ATP2B2: variants seen among roughly 807,000 people sequenced by gnomAD.
ATP2B2 encodes the protein plasma membrane calcium-transporting ATPase 2.
Under a neutral mutation model 120.0 loss-of-function variants are expected in ATP2B2, and 15 were observed. That is an observed-to-expected ratio of 0.12 (90% confidence interval 0.08 to 0.19). The LOEUF (loss-of-function observed/expected upper bound fraction) is 0.19. Among genes scored for constraint, ATP2B2 ranks in the 10% least tolerant of loss-of-function variants. The pLI is 1.00. For synonymous variants in ATP2B2, 694 were observed against 700.3 expected (o/e 0.99, Z 0.14); for missense variants, 1,045 against 1,719.8 (o/e 0.61, Z 6.94).
intron 1 of ATP2B2, among the ~76,000 whole-genome samples, chr3:10,463,353 G>A (rs1225330521): frequency 6.6e-6 from 1 of 152,160 alleles, no homozygotes; most frequent in Admixed American, 6.5e-5. Flanking sequence ...AATGACATGG[G>A]AAGCGAGGAA....
intron 1 of ATP2B2, among the ~76,000 whole-genome samples, chr3:10,673,112 T>C (rs1464022660): frequency 6.6e-6 from 1 of 152,184 alleles, no homozygotes; most frequent in Non-Finnish European, 1.5e-5. Context: ...AGGCTTAAGA[T>C]GTGAGTGCTG....
intron 3 of ATP2B2, among the ~76,000 whole-genome samples, chr3:10,515,132 G>A (rs1053763613): frequency 6.6e-6 from 1 of 152,230 alleles, no homozygotes; most frequent in Non-Finnish European, 1.5e-5. Context: ...TGGGATTGAA[G>A]CCCAGCTCTG....
intron 2 of ATP2B2, among the ~76,000 whole-genome samples, chr3:10,428,209 C>T (rs917420014): frequency 1.3e-5 from 2 of 152,206 alleles, no homozygotes. Context: ...TAGAACCCAT[C>T]TCGCTGAGTT....
chr3:10,574,698 G>A (rs969484591), intron 2 of ATP2B2, among the ~76,000 whole-genome samples: 1 of 152,108 alleles, frequency 6.6e-6, no homozygotes, highest in Non-Finnish European at 1.5e-5. Flanking sequence ...TATCTACTTG[G>A]AATGATCTTT....
chr3:10,646,073 G>T (rs947256962), intron 1 of ATP2B2, among the ~76,000 whole-genome samples: 1 of 152,168 alleles, frequency 6.6e-6, no homozygotes, highest in Non-Finnish European at 1.5e-5. Flanking sequence ...ACCCCGCCCA[G>T]AAACTTCATC....
At position 10,340,731 on chromosome 3, in the gene ATP2B2, C is replaced by T; in HGVS notation, c.2918-27G>A. ...TGCCAAGTGAGAGAGTGGGGCTGGG[C>T]TGAAGGCAGTGGTGGGGGAATCAGA... On this transcript the variant is annotated intron_variant, in intron 19 of 22. Transcript: ENST00000360273. The surrounding 1 kb of genome is among the most constrained non-coding windows in gnomAD (Gnocchi z 5.0). The T allele has an allele frequency of 1.2e-6, 2 of 1,612,796 alleles. No homozygotes were observed. The highest frequency in any genetic ancestry group is 1.7e-6 in the Non-Finnish European group (2 of 1,178,980).
intron 1 of ATP2B2, among the ~76,000 whole-genome samples, chr3:10,451,834 GC>G (rs1383883136): frequency 6.6e-6 from 1 of 152,224 alleles, no homozygotes; most frequent in East Asian, 1.9e-4. Context: ...CCTCGGAGAA[GC>G]AGGTGAGGCA....
At chr3:10,605,712 A>C (rs1443999555) in intron 2 of ATP2B2, among the ~76,000 whole-genome samples, 1 of 151,214 alleles carries the variant, frequency 6.6e-6, no homozygotes, top group Non-Finnish European at 1.5e-5. Flanking sequence ...GCAGTGGTGC[A>C]ATATCGGCTC....
At chr3:10,535,812 A>C (rs1170165400) in intron 2 of ATP2B2, among the ~76,000 whole-genome samples, 1 of 152,178 alleles carries the variant, frequency 6.6e-6, no homozygotes, top group African/African-American at 2.4e-5. Flanking sequence ...GGGTATTATA[A>C]ACATTTATGT....
rs374254958 is a variant in ATP2B2, at chr3:10,397,307, C to G, written c.781+3646G>C. Among the ~76,000 whole-genome samples, 202 of 152,334 alleles carry G rather than the reference C, an allele frequency of 1.3e-3. 4 individuals carry two copies. In the South Asian group the frequency reaches 0.04, roughly 30 times the overall value. ...AAATGACACTACATAGTAGTGTCGT[C>G]TATCTGCATGTGGCCAAGGACAGCA... On this transcript the variant is annotated intron_variant, in intron 5 of 22. Transcript: ENST00000360273.
intron 22 of ATP2B2, chr3:10,332,201 C>G (rs146936610): frequency 8.9e-6 from 6 of 670,600 alleles, no homozygotes; most frequent in Admixed American, 6.5e-5. Context: ...ATTTCTCCCC[C>G]TAACAGTGCA....
At chr3:10,616,240 T>A (rs761311423) in intron 2 of ATP2B2, among the ~76,000 whole-genome samples, 1 of 152,150 alleles carries the variant, frequency 6.6e-6, no homozygotes, top group Non-Finnish European at 1.5e-5. Context: ...TTTAAAGATG[T>A]GATTAAGTTA....
At chr3:10,386,611 A>C in intron 6 of ATP2B2, 99 bp from the exon 7 acceptor site, 1 of 1,280,200 alleles carries the variant, frequency 7.8e-7, no homozygotes, top group South Asian at 1.2e-5. Flanking sequence ...GTGCATACAC[A>C]CATGGCCATA....
At chr3:10,632,048 T>C (rs1452491797) in intron 1 of ATP2B2, among the ~76,000 whole-genome samples, 1 of 152,240 alleles carries the variant, frequency 6.6e-6, no homozygotes, top group Non-Finnish European at 1.5e-5. Flanking sequence ...CTGCTATCTC[T>C]GTGTGACTTT....
chr3:10,551,083 C>A (rs2067659685), intron 2 of ATP2B2, among the ~76,000 whole-genome samples: 1 of 152,132 alleles, frequency 6.6e-6, no homozygotes, highest in Admixed American at 6.5e-5. Flanking sequence ...CTCTTTCTGG[C>A]CTGGGCGAAT....
chr3:10,564,739 T>C (rs1249579397), intron 2 of ATP2B2, among the ~76,000 whole-genome samples: 1 of 152,230 alleles, frequency 6.6e-6, no homozygotes, highest in Non-Finnish European at 1.5e-5. Flanking sequence ...ACTGGGCTTC[T>C]ACCTTCTGCC....
At chr3:10,419,039 C>T (rs2062884075) in intron 2 of ATP2B2, among the ~76,000 whole-genome samples, 1 of 152,242 alleles carries the variant, frequency 6.6e-6, no homozygotes, top group African/African-American at 2.4e-5. Flanking sequence ...CTCTTTGGTT[C>T]AGTGCTGGTG....
chr3:10,552,411 T>C (rs539885580), intron 2 of ATP2B2, among the ~76,000 whole-genome samples: 2 of 152,334 alleles, frequency 1.3e-5, no homozygotes, highest in South Asian at 4.1e-4. Flanking sequence ...CCGCCCAAAG[T>C]GAGTGCTGGC....
intron 1 of ATP2B2, among the ~76,000 whole-genome samples, chr3:10,628,997 C>T (rs776594280): frequency 2.6e-5 from 4 of 152,196 alleles, no homozygotes; most frequent in Non-Finnish European, 4.4e-5. Context: ...GTTGGGCTCC[C>T]GGCCAACGGC....
Sources: gnomAD v4.1 joint callset for allele counts (sites outside exome capture counted in the v4.1 genomes callset) on GRCh38, gnomAD v4.1.1 for gene constraint, Gnocchi (gnomAD v3.1) non-coding constraint, MANE v1.5 for transcripts, NCBI Gene and HGNC (gene_info 2026-07-23, HGNC 2026-07-21) for gene names.